Variants in MLLT10 observed in about 807,000 individuals in gnomAD.
The protein encoded by MLLT10 is MLLT10 histone lysine methyltransferase DOT1L cofactor.
MLLT10 carries 30 observed loss-of-function variants against 129.1 expected under a neutral mutation model. The observed-to-expected ratio is 0.23, with a 90% confidence interval of 0.17 to 0.32. MLLT10 has a LOEUF of 0.32. Among genes scored for constraint, MLLT10 ranks in the 10% least tolerant of loss-of-function variants. The pLI is 1.00. For missense variants in MLLT10, 1,119 were observed against 1,268.3 expected (o/e 0.88, Z 1.79); for synonymous variants, 490 against 446.4 (o/e 1.10, Z -1.23).
At chr10:21,613,130 T>A in intron 6 of MLLT10, among the ~76,000 whole-genome samples, 1 of 146,570 alleles carries the variant, frequency 6.8e-6, no homozygotes, top group South Asian at 2.2e-4. Flanking sequence ...GGAGGTGGAG[T>A]TTGCAGTGAA....
At chr10:21,606,081 A>G (rs2044032621) in intron 5 of MLLT10, among the ~76,000 whole-genome samples, 1 of 152,062 alleles carries the variant, frequency 6.6e-6, no homozygotes. Context: ...TATATCTGTT[A>G]TGGTTATGTA....
rs1219572063 is a variant in MLLT10 at position 21,541,702 on chromosome 10, T to G, written c.240+2790T>G. Among the ~76,000 whole-genome samples, 3 of 151,926 alleles carry G rather than the reference T, an allele frequency of 2.0e-5. No homozygotes were observed. The East Asian group carries it at 5.8e-4, about 29-fold the overall frequency. Reference sequence around the variant, plus strand: ...CGCCCGGCCTGAATTTTACTAGAAATGAGGTCTTGCTTTGTTGACCAGCCT... The same window carrying G: ...CGCCCGGCCTGAATTTTACTAGAAAGGAGGTCTTGCTTTGTTGACCAGCCT... On this transcript the variant is annotated intron_variant, in intron 3 of 22. Coordinates refer to ENST00000307729, the MANE Select transcript of MLLT10 (RefSeq NM_001195626.3).
intron 8 of MLLT10, among the ~76,000 whole-genome samples, chr10:21,620,389 T>C (rs573078585): frequency 6.6e-6 from 1 of 152,346 alleles, no homozygotes; most frequent in East Asian, 1.9e-4. Flanking sequence ...ATTTTTAGAC[T>C]GTACACTGGT....
chr10:21,574,765 C>G (rs564005096), intron 3 of MLLT10, among the ~76,000 whole-genome samples: 1 of 152,242 alleles, frequency 6.6e-6, no homozygotes, highest in South Asian at 2.1e-4. Context: ...GGGAGTGTCT[C>G]TTAGCATGTT....
chr10:21,717,888 T>TCTCCTCCTCCTCCTC (rs1197942786), intron 14 of MLLT10, among the ~76,000 whole-genome samples: 2 of 75,956 alleles, frequency 2.6e-5, no homozygotes, highest in East Asian at 9.0e-4. Flanking sequence ...TCCTCCTCCT[T>TCTCCTCCTCCTCCTC]CTCCTCCTCC....
intron 13 of MLLT10, among the ~76,000 whole-genome samples, chr10:21,687,441 C>T (rs979074364): frequency 2.0e-5 from 3 of 152,122 alleles, no homozygotes; most frequent in African/African-American, 7.2e-5. Context: ...TGAGATATTA[C>T]TGATGGGGGA....
In MLLT10 at chr10:21,707,189, A is replaced by ATTT. The variant is rs1199544245; in HGVS notation, c.1700-6564_1700-6562dup. Reference sequence around the variant, plus strand: ...TCTAATTTGTCATCAAGTTTAGATGATTTTTTTTTTTTTTTTTTTTTGAGA... The same window carrying ATTT: ...TCTAATTTGTCATCAAGTTTAGATGATTTTTTTTTTTTTTTTTTTTTTTTGAGA... On this transcript the variant is annotated intron_variant, in intron 13 of 22. Transcript: ENST00000307729. Among the ~76,000 whole-genome samples, 464 of 122,472 alleles carry ATTT rather than the reference A, an allele frequency of 3.8e-3. 8 individuals carry two copies. The highest frequency in any genetic ancestry group is 0.014 in the African/African-American group (431 of 31,358). The allele number at this position is 122,472 out of a possible 152,430, so 80.3% of individuals were successfully genotyped here.
intron 13 of MLLT10, among the ~76,000 whole-genome samples, chr10:21,688,710 G>A (rs955056454): frequency 1.3e-5 from 2 of 152,038 alleles, no homozygotes; most frequent in Admixed American, 6.6e-5. Flanking sequence ...TGAACTATAT[G>A]TTCTTATTGT....
At chr10:21,613,545 G>A (rs1324187836) in intron 6 of MLLT10, among the ~76,000 whole-genome samples, 1 of 152,194 alleles carries the variant, frequency 6.6e-6, no homozygotes, top group Non-Finnish European at 1.5e-5. Flanking sequence ...ATTTTGGAAT[G>A]TTAAAAGTGT....
chr10:21,693,538 C>T (rs1217716155), intron 13 of MLLT10, among the ~76,000 whole-genome samples: 3 of 152,014 alleles, frequency 2.0e-5, no homozygotes, highest in Non-Finnish European at 4.4e-5. Flanking sequence ...ACCCCTGAAA[C>T]TGTTCTACAA....
At chr10:21,569,158 G>A (rs1038586705) in intron 3 of MLLT10, among the ~76,000 whole-genome samples, 1 of 152,148 alleles carries the variant, frequency 6.6e-6, no homozygotes, top group African/African-American at 2.4e-5. Context: ...CTGGTAGTTT[G>A]TGTAGAGTGT....
intron 2 of MLLT10, among the ~76,000 whole-genome samples, chr10:21,537,685 T>C (rs1044560151): frequency 6.6e-6 from 1 of 152,006 alleles, no homozygotes; most frequent in South Asian, 2.1e-4. Context: ...GCCAGGCTGG[T>C]CTGGAACTCC....
At chr10:21,705,199 A>C (rs567542719) in intron 13 of MLLT10, among the ~76,000 whole-genome samples, 1 of 152,184 alleles carries the variant, frequency 6.6e-6, no homozygotes, top group Non-Finnish European at 1.5e-5. Context: ...GGTGGTGGCT[A>C]CAGTGGACTG....
intron 9 of MLLT10, among the ~76,000 whole-genome samples, chr10:21,657,392 C>CAAAA (rs904471815): frequency 6.0e-5 from 3 of 49,770 alleles, no homozygotes; most frequent in African/African-American, 6.5e-5. Flanking sequence ...GACTCTGTCT[C>CAAAA]AAAAAAAAAA....
intron 3 of MLLT10, among the ~76,000 whole-genome samples, chr10:21,570,872 C>G (rs2131034395): frequency 6.6e-6 from 1 of 151,992 alleles, no homozygotes; most frequent in East Asian, 1.9e-4. Context: ...CTATGTAAGT[C>G]TTATAAATTT....
intron 16 of MLLT10, among the ~76,000 whole-genome samples, chr10:21,730,448 G>C (rs1429880951): frequency 6.6e-6 from 1 of 151,872 alleles, no homozygotes; most frequent in Non-Finnish European, 1.5e-5. Flanking sequence ...TGAGATTTTA[G>C]TTGGTTGTAA....
At chr10:21,672,342 C>G (rs2051526283) in intron 10 of MLLT10, among the ~76,000 whole-genome samples, 2 of 152,048 alleles carry the variant, frequency 1.3e-5, no homozygotes, top group Admixed American at 6.6e-5. Flanking sequence ...TTGCCTCCAC[C>G]TTTGTCTCCC....
Position 21,673,526 on chromosome 10 carries a change from G to C in MLLT10, c.1228G>C (p.Gly410Arg). 5 of 1,613,574 alleles carry C rather than the reference G, an allele frequency of 3.1e-6. No homozygotes were observed. The highest frequency in any genetic ancestry group is 1.1e-5 in the South Asian group (1 of 91,010). Residue 410 changes from glycine (G) to arginine (R), a missense_variant, in exon 11 of 23, where the codon GGG becomes CGG. By Grantham distance (125) the Gly-to-Arg change is moderately radical (BLOSUM62 -2). This residue lies in a region of MLLT10 where 1,004 missense variants were observed against 1,008.7 expected (regional missense o/e 1.00). Coordinates refer to ENST00000307729, the MANE Select transcript of MLLT10 (RefSeq NM_001195626.3). ...HKGESGSQEGGVNSFSTLIGL... is the reference protein window; with the variant it reads ...HKGESGSQEGRVNSFSTLIGL... Reference sequence around the variant, plus strand: ...AGGAGAGTCTGGAAGCCAGGAAGGGGGGGTAAATAGTTTTAGTACCTTAAT... The same window carrying C: ...AGGAGAGTCTGGAAGCCAGGAAGGGCGGGTAAATAGTTTTAGTACCTTAAT...
chr10:21,653,845 A>G (rs1589447459), intron 9 of MLLT10, among the ~76,000 whole-genome samples: 1 of 152,214 alleles, frequency 6.6e-6, no homozygotes, highest in East Asian at 1.9e-4. Flanking sequence ...TGGGAATTAT[A>G]TGCATATGGA....
Sources: allele counts gnomAD v4.1 joint callset (sites outside exome capture counted in the v4.1 genomes callset), GRCh38; gene constraint gnomAD v4.1.1; regional missense constraint gnomAD v4.1.1; transcripts MANE v1.5; gene names NCBI Gene and HGNC (gene_info 2026-07-23, HGNC 2026-07-21).